CATSPERE: variants seen among roughly 807,000 people sequenced by gnomAD.
CATSPERE encodes the protein cation channel sperm-associated auxiliary subunit epsilon.
Under a neutral mutation model 114.1 loss-of-function variants are expected in CATSPERE, and 93 were observed. The ratio of observed to expected loss-of-function variants is 0.81; its 90% confidence interval spans 0.69 to 0.97. The LOEUF (loss-of-function observed/expected upper bound fraction) is 0.97. Ranked by LOEUF, CATSPERE falls within the 50% of genes least tolerant of loss-of-function variation. CATSPERE has a pLI of 0.00. For missense variants in CATSPERE, 1,058 were observed against 1,131.6 expected (o/e 0.93, Z 0.93); for synonymous variants, 341 against 384.1 (o/e 0.89, Z 1.31).
chr1:244,544,170 C>T (rs1049306327), intron 8 of CATSPERE, among the ~76,000 whole-genome samples: 2 of 152,124 alleles, frequency 1.3e-5, no homozygotes, highest in Non-Finnish European at 2.9e-5. Flanking sequence ...TCAGGAAGGA[C>T]CTTTATACAC....
At chr1:244,509,768 T>G (rs1675399392) in intron 7 of CATSPERE, among the ~76,000 whole-genome samples, 1 of 152,230 alleles carries the variant, frequency 6.6e-6, no homozygotes, top group African/African-American at 2.4e-5. Flanking sequence ...ATTAATGGTC[T>G]ATTCAGGTTT....
At chr1:244,627,561 C>T (rs1343438630) in intron 20 of CATSPERE, among the ~76,000 whole-genome samples, 1 of 150,884 alleles carries the variant, frequency 6.6e-6, no homozygotes, top group Non-Finnish European at 1.5e-5. Flanking sequence ...GACGACGGAG[C>T]AAGACCCTGT....
chr1:244,570,806 GAAA>G (rs934209315), intron 10 of CATSPERE, among the ~76,000 whole-genome samples: 26 of 152,262 alleles, frequency 1.7e-4, no homozygotes, highest in Admixed American at 1.2e-3. Flanking sequence ...ATATATATTA[GAAA>G]ATGATTTCAC....
At chr1:244,613,088 A>C (rs1259345760) in intron 19 of CATSPERE, among the ~76,000 whole-genome samples, 1 of 152,216 alleles carries the variant, frequency 6.6e-6, no homozygotes. Context: ...TAATGATACA[A>C]GGCTATTAGG....
chr1:244,605,878 A>G, intron 18 of CATSPERE, 84 bp downstream of exon 18: 1 of 934,666 alleles, frequency 1.1e-6, no homozygotes, highest in Non-Finnish European at 1.6e-6. Flanking sequence ...AAGCGATCTA[A>G]GGAAAATAGA....
intron 7 of CATSPERE, among the ~76,000 whole-genome samples, chr1:244,505,930 C>T (rs933723320): frequency 2.6e-5 from 4 of 152,008 alleles, no homozygotes; most frequent in Admixed American, 6.6e-5. Context: ...CACTTGAACC[C>T]GGGAGGCGGA....
intron 10 of CATSPERE, among the ~76,000 whole-genome samples, chr1:244,561,417 A>G (rs1361329752): frequency 6.6e-6 from 1 of 152,126 alleles, no homozygotes. Context: ...TTATATATAC[A>G]TCGTAGGGTG....
intron 10 of CATSPERE, among the ~76,000 whole-genome samples, chr1:244,565,252 G>A (rs1663268388): frequency 1.3e-5 from 2 of 152,136 alleles, no homozygotes; most frequent in Non-Finnish European, 2.9e-5. Flanking sequence ...TCAGAATGAT[G>A]CTGGCCTCAT....
chr1:244,539,581 C>G (rs1347170644), intron 8 of CATSPERE, among the ~76,000 whole-genome samples: 3 of 145,046 alleles, frequency 2.1e-5, no homozygotes, highest in East Asian at 4.0e-4. Context: ...AGGTAGAATT[C>G]GGCTGTGAAT....
intron 17 of CATSPERE, among the ~76,000 whole-genome samples, chr1:244,595,928 G>T (rs950737144): frequency 6.6e-6 from 1 of 151,706 alleles, no homozygotes; most frequent in Non-Finnish European, 1.5e-5. Context: ...GCGAGACTCC[G>T]TCTCAAAAAA....
At chr1:244,488,973 A>G (rs1275956908) in intron 5 of CATSPERE, among the ~76,000 whole-genome samples, 2 of 152,214 alleles carry the variant, frequency 1.3e-5, no homozygotes, top group Non-Finnish European at 2.9e-5. Context: ...ATGATAATGT[A>G]CTAGACACTG....
At chr1:244,544,063 C>T (rs968454913) in intron 8 of CATSPERE, among the ~76,000 whole-genome samples, 1 of 52,538 alleles carries the variant, frequency 1.9e-5, no homozygotes, top group Admixed American at 2.8e-4. Flanking sequence ...AAACTTCACA[C>T]AAAATATACA....
chr1:244,457,217 T>C (rs1404151376), upstream of CATSPERE, among the ~76,000 whole-genome samples: 1 of 152,176 alleles, frequency 6.6e-6, no homozygotes, highest in East Asian at 1.9e-4. Context: ...TCTGGGCCCC[T>C]GTGTCCAAAA....
intron 20 of CATSPERE, among the ~76,000 whole-genome samples, chr1:244,628,250 G>C (rs1673459734): frequency 6.6e-6 from 1 of 152,138 alleles, no homozygotes; most frequent in Non-Finnish European, 1.5e-5. Flanking sequence ...ATGGTTTCAG[G>C]CATCTAGTGG....
intron 2 of CATSPERE, among the ~76,000 whole-genome samples, chr1:244,472,282 G>C (rs1210701668): frequency 6.6e-6 from 1 of 152,174 alleles, no homozygotes; most frequent in Admixed American, 6.6e-5. Context: ...TTTGAAGTAG[G>C]TGTACCATTT....
At chr1:244,520,827 C>G (rs1231888010) in intron 8 of CATSPERE, among the ~76,000 whole-genome samples, 1 of 151,888 alleles carries the variant, frequency 6.6e-6, no homozygotes, top group African/African-American at 2.4e-5. Context: ...AAAATTGACC[C>G]AAAAAATACA....
intron 11 of CATSPERE, among the ~76,000 whole-genome samples, chr1:244,576,039 G>T (rs980446306): frequency 2.0e-5 from 3 of 152,034 alleles, no homozygotes; most frequent in African/African-American, 7.2e-5. Flanking sequence ...TTACCACCCT[G>T]CGGCTTTCTT....
At chr1:244,540,369 C>A (rs1658461672) in intron 8 of CATSPERE, among the ~76,000 whole-genome samples, 1 of 58,328 alleles carries the variant, frequency 1.7e-5, no homozygotes, top group Non-Finnish European at 4.1e-5. Context: ...CAATAACAGA[C>A]AGAGAGCCAA....
At chr1:244,587,036 T>C (rs1302896896) in intron 13 of CATSPERE, among the ~76,000 whole-genome samples, 1 of 152,234 alleles carries the variant, frequency 6.6e-6, no homozygotes, top group East Asian at 1.9e-4. Context: ...ATGGAACCTG[T>C]ATATTATTTT....
Sources: gnomAD v4.1 joint callset for allele counts (sites outside exome capture counted in the v4.1 genomes callset) on GRCh38, gnomAD v4.1.1 for gene constraint, MANE v1.5 for transcripts, NCBI Gene and HGNC (gene_info 2026-07-23, HGNC 2026-07-21) for gene names.